MRPS11: variants seen among roughly 807,000 people sequenced by gnomAD.
MRPS11 encodes small ribosomal subunit protein uS11m.
MRPS11 carries 27 observed loss-of-function variants against 24.3 expected under a neutral mutation model. The observed-to-expected ratio is 1.11, with a 90% CI of 0.82 to 1.53. The LOEUF is 1.53. Among genes scored for constraint, MRPS11 ranks in the 40% most tolerant of loss-of-function variants. The pLI, the probability that MRPS11 is intolerant of heterozygous loss-of-function variation, is 0.00. For synonymous variants in MRPS11, 104 were observed against 98.7 expected (o/e 1.05, Z -0.32); for missense variants, 277 against 256.5 (o/e 1.08, Z -0.55).
chr15:88,472,441 C>T (rs760014237), intron 2 of MRPS11, 186 bp from the exon 3 acceptor site: 4 of 548,970 alleles, frequency 7.3e-6, no homozygotes, highest in Admixed American at 3.2e-5. Flanking sequence ...AGTCAAGAAA[C>T]AGCATCATAA....
chr15:88,470,649 A>C (rs1196235039), intron 2 of MRPS11, among the ~76,000 whole-genome samples: 1 of 152,246 alleles, frequency 6.6e-6, no homozygotes, highest in Non-Finnish European at 1.5e-5. Context: ...TTGCTAGATC[A>C]ATAACAGAAT....
chr15:88,475,304 G>A lies in MRPS11; in HGVS notation c.411+65G>A, dbSNP rs1284107373. ...TGCTTTCTGCATGGCTCATCACTGA[G>A]TGGAGAATCCTCATTATACTACCCA... On this transcript the variant is annotated intron_variant, in intron 4 of 5. Transcript: ENST00000325844. The surrounding 1 kb of genome is among the most constrained non-coding windows in gnomAD (Gnocchi z 4.1). The A allele has an allele frequency of 3.7e-6, 6 of 1,602,458 alleles. No individual in the cohort carries two copies. The South Asian group carries it at 4.5e-5, about 12-fold the overall frequency.
rs2055862425 is a variant in MRPS11, at chr15:88,478,158, G to A, written c.*179G>A. ...TGCACCTCCAGCTGGAGATGGGTGTGCCCCAGAAGTAAGCTTTGCATCTCT... is the reference window on the plus strand; with the variant it reads ...TGCACCTCCAGCTGGAGATGGGTGTACCCCAGAAGTAAGCTTTGCATCTCT... On this transcript the variant is annotated 3_prime_UTR_variant, in exon 6 of 6. Coordinates refer to ENST00000325844, the MANE Select transcript of MRPS11 (RefSeq NM_022839.5). This position sits in a 1 kb window ranked among gnomAD's most constrained non-coding sequence, Gnocchi z 4.7. The A allele has an allele frequency of 1.7e-6, 1 of 604,816 alleles. No homozygotes were observed. The highest frequency in any genetic ancestry group is 1.8e-5 in the African/African-American group (1 of 54,104). 37.5% of individuals were successfully genotyped at this position (604,816 alleles called of 1,614,324 possible).
Position 88,479,580 on chromosome 15 carries a change from A to G in MRPS11, c.*1601A>G, listed in dbSNP as rs1464073666. On this transcript the variant is annotated 3_prime_UTR_variant, in exon 6 of 6. Transcript: ENST00000325844. ...TACTGCCTTCTCTTTAGTCCTTAGC[A>G]GGTCCTATGAAGGCCATCTTGTGAC... 6.6e-6 allele frequency: 1 copy of G among 152,238 alleles called. No individual in the cohort carries two copies. Among genetic ancestry groups the G allele is most frequent in the Non-Finnish European group, 1.5e-5 (1 of 68,040 alleles). The allele number at this position is 152,238 out of a possible 1,614,324, so 9.4% of individuals were successfully genotyped here.
chr15:88,468,910 T>TA (rs2055619872), intron 2 of MRPS11: 2 of 150,606 alleles, frequency 1.3e-5, no homozygotes, highest in East Asian at 3.9e-4. Context: ...CTCAGGAGGC[T>TA]GAAGTAGAAG....
At position 88,469,152 on chromosome 15, in the gene MRPS11, A is replaced by G. The variant is rs1249692226; in HGVS notation, c.182+1128A>G. The G allele has an allele frequency of 6.6e-6, 1 of 152,258 alleles. No homozygotes were observed. The highest frequency in any genetic ancestry group is 1.5e-5 in the Non-Finnish European group (1 of 68,076). The allele number at this position is 152,258 out of a possible 1,614,324, so 9.4% of individuals were successfully genotyped here. On this transcript the variant is annotated intron_variant, in intron 2 of 5. Transcript: ENST00000325844. The surrounding 1 kb of genome is among the most constrained non-coding windows in gnomAD (Gnocchi z 4.4). ...TGGGTCATTGGAGACAAAGGTAACC[A>G]TCTGTGTAAAGGCATGTGGTATGAA...
intron 2 of MRPS11, 138 bp from the exon 3 acceptor site, chr15:88,472,489 A>G: frequency 4.7e-6 from 3 of 644,392 alleles, no homozygotes; most frequent in Non-Finnish European, 8.2e-6. Flanking sequence ...CACCAGAAGG[A>G]CTGAAAAGGA....
chr15:88,473,942 C>T (rs1478508099), intron 3 of MRPS11, among the ~76,000 whole-genome samples: 1 of 152,216 alleles, frequency 6.6e-6, no homozygotes, highest in Non-Finnish European at 1.5e-5. Flanking sequence ...ATAATCCCAG[C>T]ACTTTGGGAG....
chr15:88,476,087 T>A (rs1006333938), intron 4 of MRPS11, among the ~76,000 whole-genome samples: 2 of 152,202 alleles, frequency 1.3e-5, no homozygotes, highest in African/African-American at 4.8e-5. Flanking sequence ...GTCGTAGACC[T>A]TTTTTAGAAG....
intron 2 of MRPS11, 67 bp downstream of exon 2, chr15:88,468,091 A>G (rs976396373): frequency 1.0e-5 from 16 of 1,526,200 alleles, no homozygotes; most frequent in Non-Finnish European, 1.4e-5. Context: ...CACCCTCCAG[A>G]GTCAGAACCA....
At chr15:88,468,072 C>T (rs749208620) in intron 2 of MRPS11, 48 bp downstream of exon 2, 2 of 1,558,020 alleles carry the variant, frequency 1.3e-6, no homozygotes, top group Non-Finnish European at 1.7e-6. Flanking sequence ...ACCCCTGACT[C>T]TTGCCCGACA....
In MRPS11 at chr15:88,478,094, T is replaced by G. The variant is rs1040169274; in HGVS notation, c.*115T>G. On this transcript the variant is annotated 3_prime_UTR_variant, in exon 6 of 6. Coordinates refer to ENST00000325844, the MANE Select transcript of MRPS11 (RefSeq NM_022839.5). The surrounding 1 kb of genome is among the most constrained non-coding windows in gnomAD (Gnocchi z 4.7). ...TGCTTGTTGGAGATCCTTCAGGCAG[T>G]AAGGGAGAGTTTTGCCTCCTTACAC... is the stretch of plus-strand genomic sequence containing the variant. The G allele has an allele frequency of 1.2e-6, 1 of 832,782 alleles. No individual in the cohort carries two copies. The highest frequency in any genetic ancestry group is 1.7e-5 in the African/African-American group (1 of 59,132). 51.6% of individuals were successfully genotyped at this position (832,782 alleles called of 1,614,324 possible). A position where few individuals can be genotyped will look rare whatever the true frequency, so the allele number is the denominator to read the frequency against.
In MRPS11 at chr15:88,472,716, C is replaced by G. The variant is rs2055740997; in HGVS notation, c.272C>G (p.Ser91Cys). The G allele has an allele frequency of 6.2e-7, 1 of 1,612,680 alleles. No individual in the cohort carries two copies. Among genetic ancestry groups the G allele is most frequent in the African/African-American group, 1.3e-5 (1 of 74,872 alleles). Residue 91 changes from serine (S) to cysteine (C), a missense_variant, in exon 3 of 6, where the codon TCC (serine) becomes TGC (cysteine). Coordinates refer to ENST00000325844, the MANE Select transcript of MRPS11 (RefSeq NM_022839.5). ...ATCCCAATTGCACACATTAAAGCAT[C>G]CCACAACAAGTAAGTGGGAAGGGAA... is the stretch of plus-strand genomic sequence containing the variant. ...EEIPIAHIKA[S>C]HNNTQIQVVS...
intron 3 of MRPS11, among the ~76,000 whole-genome samples, chr15:88,473,507 G>A (rs2055758946): frequency 6.6e-6 from 1 of 152,234 alleles, no homozygotes; most frequent in Admixed American, 6.5e-5. Context: ...TAAATGTAAA[G>A]TGACAGCAAT....
intron 2 of MRPS11, 102 bp downstream of exon 2, chr15:88,468,126 C>G (rs2055592536): frequency 6.7e-7 from 1 of 1,494,736 alleles, no homozygotes; most frequent in Non-Finnish European, 9.0e-7. Context: ...ATGTCACTTG[C>G]TATCCGTGGG....
In MRPS11 at chr15:88,477,230, A is replaced by G. The variant is rs62024337; in HGVS notation, c.477+176A>G. Among the ~76,000 whole-genome samples, 4,800 of 152,284 alleles carry G rather than the reference A, an allele frequency of 0.032. 114 individuals are homozygous for G. Among genetic ancestry groups the G allele is most frequent in the Non-Finnish European group, 0.048 (3,281 of 68,022 alleles). ...AAGCCCCTCAGAGCAAGCCTAGATC[A>G]CTTAGTATAATTCATCAGACACTGA... On this transcript the variant is annotated intron_variant, in intron 5 of 5. Transcript: ENST00000325844. The surrounding 1 kb of genome is among the most constrained non-coding windows in gnomAD (Gnocchi z 5.7).
At chr15:88,468,317 G>A (rs1264966877) in intron 2 of MRPS11, 1 of 1,186,226 alleles carries the variant, frequency 8.4e-7, no homozygotes, top group Admixed American at 3.8e-5. Flanking sequence ...TTCTGAGATG[G>A]AGATCTTTTC....
chr15:88,468,092 G>C, intron 2 of MRPS11, 68 bp downstream of exon 2: 1 of 1,526,966 alleles, frequency 6.5e-7, no homozygotes, highest in Non-Finnish European at 8.8e-7. Context: ...ACCCTCCAGA[G>C]TCAGAACCAG....
intron 4 of MRPS11, chr15:88,476,785 C>CA: frequency 3.4e-6 from 2 of 582,164 alleles, no homozygotes; most frequent in Non-Finnish European, 6.2e-6. Context: ...AGATCACAGT[C>CA]ACGTGAATTC....
Sources: allele counts gnomAD v4.1 joint callset (sites outside exome capture counted in the v4.1 genomes callset), GRCh38; gene constraint gnomAD v4.1.1; non-coding constraint Gnocchi (gnomAD v3.1); transcripts MANE v1.5; gene names NCBI Gene and HGNC (gene_info 2026-07-23, HGNC 2026-07-21).